The following NFASC variants were observed in gnomAD, a reference collection of about 807,000 sequenced individuals.
NFASC encodes neurofascin homolog.
In NFASC, 43 loss-of-function variants were observed where a neutral mutation model predicts 147.5. That is an observed-to-expected ratio of 0.29 (90% CI 0.23 to 0.38). The LOEUF is 0.38. Among genes scored for constraint, NFASC ranks in the 10% least tolerant of loss-of-function variants. NFASC has a pLI of 1.00. For synonymous variants in NFASC, 622 were observed against 665.5 expected (o/e 0.93, Z 1.01); for missense variants, 1,320 against 1,689.0 (o/e 0.78, Z 3.83).
intron 1 of NFASC, among the ~76,000 whole-genome samples, chr1:204,911,051 G>T (rs2087323689): frequency 3.9e-5 from 6 of 152,092 alleles, no homozygotes; most frequent in Admixed American, 3.9e-4. Context: ...TCCCCATCAA[G>T]TATAATGTTA....
At chr1:204,970,841 A>T in intron 11 of NFASC, 94 bp downstream of exon 11, 1 of 1,503,334 alleles carries the variant, frequency 6.7e-7, no homozygotes. Context: ...GTCACACTAG[A>T]AGTTCAGGAA....
chr1:205,014,507 C>T (rs562008019), intron 29 of NFASC, among the ~76,000 whole-genome samples: 2 of 152,322 alleles, frequency 1.3e-5, no homozygotes, highest in South Asian at 2.1e-4. Context: ...CCATGGGGCA[C>T]CCTCTGTTTT....
rs528685232 is a variant in NFASC at position 204,954,674 on chromosome 1, T to G, written c.413-155T>G. Among the ~76,000 whole-genome samples the G allele has an allele frequency of 3.9e-5, 6 of 152,302 alleles. No individual in the cohort carries two copies. The highest frequency in any genetic ancestry group is 9.6e-5 in the African/African-American group (4 of 41,578). On this transcript the variant is annotated intron_variant, in intron 6 of 29. Transcript: ENST00000339876. This position sits in a 1 kb window ranked among gnomAD's most constrained non-coding sequence, Gnocchi z 5.7. ...CTCCTGCCTCTCAAGGGCGGCCCCT[T>G]GAGTAGGCTCACGTGCCCCGTCCCT...
At chr1:204,949,240 C>G (rs1259080942) in intron 3 of NFASC, among the ~76,000 whole-genome samples, 1 of 152,264 alleles carries the variant, frequency 6.6e-6, no homozygotes, top group African/African-American at 2.4e-5. Context: ...CTCTGCCCCT[C>G]CTCTGGGATC....
chr1:204,946,783 C>CA lies in NFASC; in HGVS notation c.91+2378dup, dbSNP rs1331720771. On this transcript the variant is annotated intron_variant, in intron 3 of 29. Coordinates refer to ENST00000339876, the MANE Select transcript of NFASC (RefSeq NM_001005388.3). ...GAACACCAACCCTTCCCGAGGCCCC[C>CA]ACCATCCCTGGGCTGCCAGCCTTCT... 3 of 514,998 alleles carry CA rather than the reference C, an allele frequency of 5.8e-6. No individual in the cohort carries two copies. In the East Asian group the frequency reaches 1.6e-4, roughly 28 times the overall value. 31.9% of individuals were successfully genotyped at this position (514,998 alleles called of 1,614,324 possible). A position where few individuals can be genotyped will look rare whatever the true frequency, so the allele number is the denominator to read the frequency against.
At position 204,957,746 on chromosome 1, in the gene NFASC, C is replaced by T; in HGVS notation, c.626C>T (p.Thr209Ile). 6.2e-7 allele frequency: 1 copy of T among 1,614,146 alleles called. No individual in the cohort carries two copies. Among genetic ancestry groups the T allele is most frequent in the Non-Finnish European group, 8.5e-7 (1 of 1,179,994 alleles). Residue 209 changes from threonine to isoleucine, a missense_variant, in exon 8 of 30, where the codon ACC becomes ATC. Physicochemically the swap from Thr to Ile is moderately conservative, Grantham distance 89. Around this residue, in one of 3 missense-constraint regions of NFASC, gnomAD observed 981 missense variants for 1,289.5 expected, o/e 0.76. Transcript: ENST00000339876. ...AACGTGATGCTGCAGGACATGCAGACCGACTACAGTTGTAACGCCCGCTTC... is the reference window on the plus strand; with the variant it reads ...AACGTGATGCTGCAGGACATGCAGATCGACTACAGTTGTAACGCCCGCTTC... Reference protein sequence around the residue: ...FSNVMLQDMQTDYSCNARFHF... With the variant: ...FSNVMLQDMQIDYSCNARFHF...
intron 1 of NFASC, among the ~76,000 whole-genome samples, chr1:204,911,615 T>C (rs992714127): frequency 6.6e-6 from 1 of 152,178 alleles, no homozygotes; most frequent in Non-Finnish European, 1.5e-5. Context: ...GCACTATCTA[T>C]GTCTGGTTTT....
At chr1:204,882,254 C>T (rs1209415774) in intron 1 of NFASC, among the ~76,000 whole-genome samples, 1 of 152,132 alleles carries the variant, frequency 6.6e-6, no homozygotes, top group Non-Finnish European at 1.5e-5. Flanking sequence ...CTTCATGCTT[C>T]CCCTAAAGTC....
intron 1 of NFASC, among the ~76,000 whole-genome samples, chr1:204,853,621 G>A (rs988296074): frequency 2.0e-5 from 3 of 152,188 alleles, no homozygotes; most frequent in Non-Finnish European, 4.4e-5. Flanking sequence ...ATATGTGCAT[G>A]TGTCCTAAAC....
At position 204,979,313 on chromosome 1, in the gene NFASC, C is replaced by A; in HGVS notation, c.1979-49C>A. On this transcript the variant is annotated intron_variant, in intron 18 of 29. Transcript: ENST00000339876. This position sits in a 1 kb window ranked among gnomAD's most constrained non-coding sequence, Gnocchi z 6.0. ...AGAAGGAAGTGCTTTTAAAGAAGAC[C>A]ACTGCTAACTGAGCTCCCGAAACAG... is the stretch of plus-strand genomic sequence containing the variant. 1 of 1,430,968 alleles carries A rather than the reference C, an allele frequency of 7.0e-7. No homozygotes were observed. The highest frequency in any genetic ancestry group is 9.9e-7 in the Non-Finnish European group (1 of 1,013,816). The allele number at this position is 1,430,968 out of a possible 1,614,324, so 88.6% of individuals were successfully genotyped here. A position where few individuals can be genotyped will look rare whatever the true frequency, so the allele number is the denominator to read the frequency against.
chr1:204,951,761 G>A (rs556584372), intron 4 of NFASC, among the ~76,000 whole-genome samples: 74 of 152,280 alleles, frequency 4.9e-4, no homozygotes, highest in African/African-American at 4.6e-4. Flanking sequence ...GAGCCACCAC[G>A]CCTGGCTGCC....
chr1:204,975,206 T>A lies in NFASC; in HGVS notation c.1559-65T>A. 6.5e-7 allele frequency: 1 copy of A among 1,538,858 alleles called. No individual in the cohort carries two copies. The highest frequency in any genetic ancestry group is 2.3e-5 in the East Asian group (1 of 44,162). On this transcript the variant is annotated intron_variant, in intron 14 of 29. Transcript: ENST00000339876. This position sits in a 1 kb window ranked among gnomAD's most constrained non-coding sequence, Gnocchi z 4.0. ...CCTCGAGGGCAGACATATGCCACTTTGTGGCCGCATGGGGATGCTGGGCAG... is the reference window on the plus strand; with the variant it reads ...CCTCGAGGGCAGACATATGCCACTTAGTGGCCGCATGGGGATGCTGGGCAG...
intron 12 of NFASC, 78 bp from the exon 13 acceptor site, chr1:204,974,101 A>G: frequency 8.7e-7 from 1 of 1,143,506 alleles, no homozygotes; most frequent in Non-Finnish European, 1.3e-6. Context: ...AGCAGAAGGC[A>G]TGCAGAGGTG....
At chr1:204,842,353 G>A (rs1318330563) in intron 1 of NFASC, among the ~76,000 whole-genome samples, 3 of 152,154 alleles carry the variant, frequency 2.0e-5, no homozygotes, top group South Asian at 2.1e-4. Context: ...ATTGTTCAAA[G>A]TTTACTTAAA....
chr1:204,836,624 G>T (rs748630786), intron 1 of NFASC, among the ~76,000 whole-genome samples: 13 of 152,328 alleles, frequency 8.5e-5, no homozygotes, highest in Non-Finnish European at 1.6e-4. Flanking sequence ...TTATATGCAA[G>T]ACATTGTTGT....
chr1:204,897,628 C>A (rs1214232956), intron 1 of NFASC, among the ~76,000 whole-genome samples: 1 of 151,532 alleles, frequency 6.6e-6, no homozygotes, highest in Admixed American at 6.6e-5. Flanking sequence ...GGCTGGAGTG[C>A]AGTGGCACAA....
At chr1:204,984,372 TATATATACGC>T in intron 21 of NFASC, 1 of 165,408 alleles carries the variant, frequency 6.0e-6, no homozygotes, top group East Asian at 1.2e-4. Flanking sequence ...TGTGTGTGTA[TATATATACGC>T]ATATATATAT....
At chr1:204,847,283 C>T (rs2075262710) in intron 1 of NFASC, among the ~76,000 whole-genome samples, 1 of 152,166 alleles carries the variant, frequency 6.6e-6, no homozygotes, top group Non-Finnish European at 1.5e-5. Context: ...TAGACAATGT[C>T]CTAAGTGCTT....
At chr1:204,837,944 G>T (rs1392454839) in intron 1 of NFASC, among the ~76,000 whole-genome samples, 1 of 152,104 alleles carries the variant, frequency 6.6e-6, no homozygotes, top group African/African-American at 2.4e-5. Flanking sequence ...AGAACTTTTG[G>T]GTTTACATGA....
Sources: allele counts gnomAD v4.1 joint callset (sites outside exome capture counted in the v4.1 genomes callset), GRCh38; gene constraint gnomAD v4.1.1; regional missense constraint gnomAD v4.1.1; non-coding constraint Gnocchi (gnomAD v3.1); transcripts MANE v1.5; gene names NCBI Gene and HGNC (gene_info 2026-07-23, HGNC 2026-07-21).